PRTG: variants seen among roughly 807,000 people sequenced by gnomAD.
PRTG encodes the protein protogenin, also known as immunoglobulin superfamily, DCC subclass, member 5.
A neutral mutation model predicts 122.5 loss-of-function variants in PRTG; 67 were observed. That is an observed-to-expected ratio of 0.55 (90% CI 0.45 to 0.67). The LOEUF (loss-of-function observed/expected upper bound fraction) is 0.67. PRTG is among the 30% of genes least tolerant of loss of function. PRTG has a pLI of 0.00. For synonymous variants in PRTG, 554 were observed against 501.1 expected (o/e 1.11, Z -1.41); for missense variants, 1,435 against 1,415.4 (o/e 1.01, Z -0.22).
At chr15:55,678,866 A>T (rs1029269522) in intron 7 of PRTG, among the ~76,000 whole-genome samples, 1 of 152,214 alleles carries the variant, frequency 6.6e-6, no homozygotes, top group African/African-American at 2.4e-5. Flanking sequence ...ATTTATGCTA[A>T]TAAAAATGAA....
At chr15:55,694,621 C>T (rs1414659846) in intron 2 of PRTG, among the ~76,000 whole-genome samples, 2 of 152,108 alleles carry the variant, frequency 1.3e-5, no homozygotes, top group East Asian at 3.8e-4. Context: ...AATGTTGTTT[C>T]CTAGCAAGTA....
At chr15:55,698,027 G>A (rs756609030) in intron 2 of PRTG, among the ~76,000 whole-genome samples, 48 of 151,832 alleles carry the variant, frequency 3.2e-4, no homozygotes, top group Non-Finnish European at 6.6e-4. Flanking sequence ...CTTCACTTCT[G>A]GTTCTGAGGA....
rs375964733 is a variant in PRTG, at chr15:55,729,085, T to A, written c.397+11297A>T. ...AAAACTACAAACAGTATCAAGAAAG[T>A]GAAAAGGCAAATGTTCACTACAGAT... On this transcript the variant is annotated intron_variant, in intron 2 of 19. Coordinates refer to ENST00000389286, the MANE Select transcript of PRTG (RefSeq NM_173814.6). Among the ~76,000 whole-genome samples the A allele has an allele frequency of 2.0e-5, 3 of 152,164 alleles. No individual in the cohort carries two copies. In the East Asian group the frequency reaches 5.8e-4, roughly 29 times the overall value.
rs779008875 is a variant in PRTG at position 55,742,947 on chromosome 15, G to A, written c.-16C>T. The A allele has an allele frequency of 1.3e-6, 2 of 1,502,402 alleles. No homozygotes were observed. The highest frequency in any genetic ancestry group is 2.9e-5 in the African/African-American group (2 of 68,552). 93.1% of individuals were successfully genotyped at this position (1,502,402 alleles called of 1,614,324 possible). Reference sequence around the variant, plus strand: ...GAGGCGCCATTCAGCGTAGCCGCGCGGGCATGCTCCCCGGCCGCCCAGAGC... The same window carrying A: ...GAGGCGCCATTCAGCGTAGCCGCGCAGGCATGCTCCCCGGCCGCCCAGAGC... On this transcript the variant is annotated 5_prime_UTR_variant, in exon 1 of 20. Coordinates refer to ENST00000389286, the MANE Select transcript of PRTG (RefSeq NM_173814.6).
In PRTG at chr15:55,627,020, C is replaced by G; in HGVS notation, c.2915G>C (p.Arg972Pro). 5.6e-6 allele frequency: 9 copies of G among 1,605,892 alleles called. No homozygotes were observed. Among genetic ancestry groups the G allele is most frequent in the Non-Finnish European group, 6.8e-6 (8 of 1,177,050 alleles). ...AATGGAAACACACCTGGCTTTACTT[C>G]GGTATATCAAGATGAGAACACAGAT... is the stretch of plus-strand genomic sequence containing the variant. The part of the protein sequence containing the change: ...ILICVLILIY[R>P]SKARKSSASK... Residue 972 changes from arginine to proline, a missense_variant, in exon 17 of 20, where the codon CGA becomes CCA. Transcript: ENST00000389286.
intron 2 of PRTG, among the ~76,000 whole-genome samples, chr15:55,690,441 C>T (rs531710075): frequency 6.9e-4 from 105 of 152,174 alleles, no homozygotes; most frequent in Middle Eastern, 3.4e-3. Context: ...TAAATTCAAA[C>T]TGTGATAAAT....
intron 15 of PRTG, among the ~76,000 whole-genome samples, chr15:55,635,093 GTGTGTGTGTGTT>G: frequency 6.6e-6 from 1 of 151,708 alleles, no homozygotes; most frequent in African/African-American, 2.4e-5. Context: ...GTGTGTGTGT[GTGTGTGTGTGTT>G]TTTTGAGACA....
At chr15:55,655,912 T>C (rs965723827) in intron 11 of PRTG, 2 of 152,780 alleles carry the variant, frequency 1.3e-5, no homozygotes, top group African/African-American at 4.8e-5. Flanking sequence ...GTATAGGGCA[T>C]TTTTAAACCT....
At chr15:55,635,332 C>A (rs929419536) in intron 15 of PRTG, among the ~76,000 whole-genome samples, 1 of 152,122 alleles carries the variant, frequency 6.6e-6, no homozygotes, top group African/African-American at 2.4e-5. Flanking sequence ...CCTCGTGATC[C>A]GTCTGCCTCA....
rs896129023 is a variant in PRTG, at chr15:55,684,190, T to G, written c.398-259A>C. Among the ~76,000 whole-genome samples, 12 of 152,226 alleles carry G rather than the reference T, an allele frequency of 7.9e-5. 1 individual carries two copies. The highest frequency in any genetic ancestry group is 2.9e-4 in the African/African-American group (12 of 41,460). ...ATTTATCTATTTGGAGATAAAAAGT[T>G]AACATATGAAACAAAAATAAACAAT... On this transcript the variant is annotated intron_variant, in intron 2 of 19. Coordinates refer to ENST00000389286, the MANE Select transcript of PRTG (RefSeq NM_173814.6).
At position 55,627,075 on chromosome 15, in the gene PRTG, C is replaced by G; in HGVS notation, c.2860G>C (p.Gly954Arg). Residue 954 changes from glycine (G) to arginine (R), a missense_variant, in exon 17 of 20, where the codon GGT (glycine) becomes CGT (arginine). Transcript: ENST00000389286. ...ATGCAGGTCAAGGCTATGCCAACACCTACAGCAATGCCAGTCATTGATTTT... is the reference window on the plus strand; with the variant it reads ...ATGCAGGTCAAGGCTATGCCAACACGTACAGCAATGCCAGTCATTGATTTT... ...DQKSMTGIAV[G>R]VGIALTCILI... 1.2e-6 allele frequency: 2 copies of G among 1,610,566 alleles called. No homozygotes were observed. The highest frequency in any genetic ancestry group is 1.7e-6 in the Non-Finnish European group (2 of 1,177,334).
At chr15:55,640,798 T>A (rs1391091118) in intron 12 of PRTG, among the ~76,000 whole-genome samples, 1 of 151,256 alleles carries the variant, frequency 6.6e-6, no homozygotes, top group East Asian at 1.9e-4. Context: ...TCACTTGAGG[T>A]CAGGAGTTCG....
At chr15:55,675,852 A>G (rs915612309) in intron 8 of PRTG, among the ~76,000 whole-genome samples, 169 bp from the exon 9 acceptor site, 42 of 152,144 alleles carry the variant, frequency 2.8e-4, no homozygotes, top group Admixed American at 2.7e-3. Flanking sequence ...AAAAGTAACC[A>G]TATTTCACTA....
intron 1 of PRTG, among the ~76,000 whole-genome samples, chr15:55,741,370 T>C (rs1207572645): frequency 6.6e-6 from 1 of 152,238 alleles, no homozygotes; most frequent in Non-Finnish European, 1.5e-5. Context: ...GAAACTTTTA[T>C]TTCACTTTTC....
intron 2 of PRTG, among the ~76,000 whole-genome samples, chr15:55,715,316 G>A (rs1160443251): frequency 2.6e-5 from 4 of 152,114 alleles, no homozygotes; most frequent in African/African-American, 4.8e-5. Flanking sequence ...TTTTCCACTT[G>A]CCTCCAGGGA....
intron 15 of PRTG, among the ~76,000 whole-genome samples, chr15:55,636,489 C>T (rs1288628519): frequency 6.6e-6 from 1 of 152,066 alleles, no homozygotes; most frequent in African/African-American, 2.4e-5. Context: ...CAAGTTCTAT[C>T]AATTTTAACT....
At position 55,613,146 on chromosome 15, in the gene PRTG, A is replaced by G. The variant is rs1024727971; in HGVS notation, c.*6866T>C. On this transcript the variant is annotated 3_prime_UTR_variant, in exon 20 of 20. Coordinates refer to ENST00000389286, the MANE Select transcript of PRTG (RefSeq NM_173814.6). ...GAAACAGTTTAAGAATTTTTGTACC[A>G]AACGATTCTCAAAATTGTCAAGATT... The G allele has an allele frequency of 2.0e-5, 3 of 152,078 alleles. No individual in the cohort carries two copies. Among genetic ancestry groups the G allele is most frequent in the African/African-American group, 4.8e-5 (2 of 41,448 alleles). The allele number at this position is 152,078 out of a possible 1,614,324, so 9.4% of individuals were successfully genotyped here.
chr15:55,711,142 G>C (rs1242398082), intron 2 of PRTG, among the ~76,000 whole-genome samples: 1 of 145,126 alleles, frequency 6.9e-6, no homozygotes, highest in African/African-American at 2.6e-5. Context: ...GGCTGGTCTC[G>C]AACTCCTGAC....
At chr15:55,653,347 CAGTAA>C (rs2059363405) in intron 11 of PRTG, among the ~76,000 whole-genome samples, 1 of 152,164 alleles carries the variant, frequency 6.6e-6, no homozygotes, top group South Asian at 2.1e-4. Context: ...CTCTCACTCC[CAGTAA>C]AAACATCCCC....
Sources: gnomAD v4.1 joint callset for allele counts (sites outside exome capture counted in the v4.1 genomes callset) on GRCh38, gnomAD v4.1.1 for gene constraint, MANE v1.5 for transcripts, NCBI Gene and HGNC (gene_info 2026-07-23, HGNC 2026-07-21) for gene names.